Variants in EFR3B observed in about 807,000 individuals in gnomAD.
EFR3B encodes the protein EFR3 homolog B.
In EFR3B, 64 loss-of-function variants were observed where a neutral mutation model predicts 104.7. The observed-to-expected ratio is 0.61, with a 90% CI of 0.50 to 0.75. The LOEUF is 0.75. Among genes scored for constraint, EFR3B ranks in the 30% least tolerant of loss-of-function variants. The pLI is 0.00. For missense variants in EFR3B, 750 were observed against 1,078.5 expected (o/e 0.70, Z 4.27); for synonymous variants, 385 against 417.9 (o/e 0.92, Z 0.96).
intron 1 of EFR3B, chr2:25,080,282 G>GTTTTTTTTTTTTTTTTTTTT (rs1668756429): frequency 5.7e-6 from 1 of 176,116 alleles, no homozygotes; most frequent in Non-Finnish European, 9.9e-6. Flanking sequence ...CCTCCCCAAA[G>GTTTTTTTTTTTTTTTTTTTT]CTTTTTTTTT....
chr2:25,142,215 G>A (rs1000835108), intron 17 of EFR3B, among the ~76,000 whole-genome samples: 1 of 152,114 alleles, frequency 6.6e-6, no homozygotes, highest in Admixed American at 6.5e-5. Flanking sequence ...GGCTAAGGTG[G>A]GCGGATCACT....
intron 1 of EFR3B, among the ~76,000 whole-genome samples, chr2:25,049,185 C>T (rs1164603456): frequency 1.3e-5 from 2 of 152,166 alleles, no homozygotes; most frequent in Non-Finnish European, 1.5e-5. Context: ...AGATTTTTCC[C>T]CTAGTACTTG....
At chr2:25,096,195 T>C (rs1669272283) in intron 3 of EFR3B, among the ~76,000 whole-genome samples, 1 of 152,176 alleles carries the variant, frequency 6.6e-6, no homozygotes. Context: ...TTTGTGTTTT[T>C]AATAGAGACG....
chr2:25,103,534 G>A (rs2149191336), intron 3 of EFR3B, 103 bp from the exon 4 acceptor site: 2 of 1,437,414 alleles, frequency 1.4e-6, no homozygotes, highest in South Asian at 1.4e-5. Flanking sequence ...TCATTACCCG[G>A]ATGCTGCATT....
At chr2:25,152,923 G>A (rs1470512611) in intron 21 of EFR3B, among the ~76,000 whole-genome samples, 2 of 152,030 alleles carry the variant, frequency 1.3e-5, no homozygotes, top group African/African-American at 4.8e-5. Flanking sequence ...CCCATGTTAT[G>A]AGCTAGGAAT....
chr2:25,089,628 C>T (rs1669057273), intron 1 of EFR3B, among the ~76,000 whole-genome samples: 1 of 152,084 alleles, frequency 6.6e-6, no homozygotes, highest in Non-Finnish European at 1.5e-5. Flanking sequence ...GGCTTCCAGG[C>T]CCAAGAAGGG....
At chr2:25,060,747 C>CG (rs1367921832) in intron 1 of EFR3B, among the ~76,000 whole-genome samples, 22 of 151,800 alleles carry the variant, frequency 1.4e-4, no homozygotes, top group African/African-American at 4.8e-4. Flanking sequence ...AGCGAAACCC[C>CG]GTCTCTACTA....
intron 19 of EFR3B, chr2:25,147,596 C>T (rs1421204512): frequency 6.6e-6 from 1 of 152,204 alleles, no homozygotes; most frequent in Non-Finnish European, 1.5e-5. Flanking sequence ...CTGTCATCAT[C>T]CAGGGGCCCT....
At chr2:25,064,991 T>G (rs1668291977) in intron 1 of EFR3B, among the ~76,000 whole-genome samples, 1 of 152,124 alleles carries the variant, frequency 6.6e-6, no homozygotes, top group South Asian at 2.1e-4. Context: ...ACCTTGGCAG[T>G]TCACCCCTAG....
In EFR3B at chr2:25,054,750, A is replaced by T. The variant is rs569066758; in HGVS notation, c.7+12431A>T. On this transcript the variant is annotated intron_variant, in intron 1 of 22. Coordinates refer to ENST00000403714, the MANE Select transcript of EFR3B (RefSeq NM_014971.2). ...CCTTAGAAGGGTCTGGTTAGTAAGAACGTAGAAACAGGGCTCCTGCAATAC... is the reference window on the plus strand; with the variant it reads ...CCTTAGAAGGGTCTGGTTAGTAAGATCGTAGAAACAGGGCTCCTGCAATAC... Among the ~76,000 whole-genome samples the T allele has an allele frequency of 8.9e-4, 136 of 152,266 alleles. 1 individual carries two copies. Among genetic ancestry groups the T allele is most frequent in the African/African-American group, 3.2e-3 (131 of 41,540 alleles).
chr2:25,073,762 T>C (rs1180388552), intron 1 of EFR3B, among the ~76,000 whole-genome samples: 2 of 152,122 alleles, frequency 1.3e-5, no homozygotes, highest in Non-Finnish European at 2.9e-5. Flanking sequence ...GTGTGCCCCT[T>C]TGCTCAACAG....
chr2:25,087,009 TA>T (rs1668969867), intron 1 of EFR3B, among the ~76,000 whole-genome samples: 2 of 152,234 alleles, frequency 1.3e-5, no homozygotes, highest in Non-Finnish European at 2.9e-5. Flanking sequence ...GAAAGAGCTT[TA>T]ATTGACTCAC....
chr2:25,136,403 CA>C lies in EFR3B; in HGVS notation c.1485-119del. The C allele has an allele frequency of 1.4e-6, 1 of 713,274 alleles. No individual in the cohort carries two copies. Among genetic ancestry groups the C allele is most frequent in the Non-Finnish European group, 2.3e-6 (1 of 430,424 alleles). The allele number at this position is 713,274 out of a possible 1,614,324, so 44.2% of individuals were successfully genotyped here. A position where few individuals can be genotyped will look rare whatever the true frequency, so the allele number is the denominator to read the frequency against. On this transcript the variant is annotated intron_variant, in intron 13 of 22. Transcript: ENST00000403714. This position sits in a 1 kb window ranked among gnomAD's most constrained non-coding sequence, Gnocchi z 4.0. Reference sequence around the variant, plus strand: ...AGGTAATCGGGCTGAGAACCAGGGCCAGGGGAGCACTGGAGGCTTTGTACCA... The same window carrying C: ...AGGTAATCGGGCTGAGAACCAGGGCCGGGGAGCACTGGAGGCTTTGTACCA...
chr2:25,145,873 T>C (rs1311629332), intron 19 of EFR3B: 3 of 151,942 alleles, frequency 2.0e-5, no homozygotes, highest in African/African-American at 7.3e-5. Context: ...GGTGCATTTC[T>C]TACAGTTCAA....
rs1389991762 is a variant in EFR3B at position 25,136,643 on chromosome 2, G to C, written c.1560+45G>C. ...AGGCACAGTGAAGGGCGGGCACGGT[G>C]GCTCACGCCTGCAATCCCAGCACTT... On this transcript the variant is annotated intron_variant, in intron 14 of 22. Transcript: ENST00000403714. This position sits in a 1 kb window ranked among gnomAD's most constrained non-coding sequence, Gnocchi z 4.0. 8.6e-6 allele frequency: 13 copies of C among 1,510,708 alleles called. No homozygotes were observed. Among genetic ancestry groups the C allele is most frequent in the Non-Finnish European group, 1.1e-5 (12 of 1,111,406 alleles). The allele number at this position is 1,510,708 out of a possible 1,614,324, so 93.6% of individuals were successfully genotyped here. A position where few individuals can be genotyped will look rare whatever the true frequency, so the allele number is the denominator to read the frequency against.
chr2:25,096,068 T>G (rs1443337040), intron 3 of EFR3B, among the ~76,000 whole-genome samples: 1 of 151,724 alleles, frequency 6.6e-6, no homozygotes, highest in African/African-American at 2.4e-5. Flanking sequence ...CAGGCTGGAG[T>G]GCATTGGTGT....
In EFR3B at chr2:25,157,353, T is replaced by G. The variant is rs1671201936; in HGVS notation, c.*3013T>G. On this transcript the variant is annotated 3_prime_UTR_variant, in exon 23 of 23. Transcript: ENST00000403714. Reference sequence around the variant, plus strand: ...AAGGTGAGTGTGATAGTAGGTAATCTCCTCACCCCAGCACAGGCCCTGGGA... The same window carrying G: ...AAGGTGAGTGTGATAGTAGGTAATCGCCTCACCCCAGCACAGGCCCTGGGA... The G allele has an allele frequency of 6.6e-6, 1 of 152,122 alleles. No individual in the cohort carries two copies. Among genetic ancestry groups the G allele is most frequent in the Non-Finnish European group, 1.5e-5 (1 of 68,034 alleles). The allele number at this position is 152,122 out of a possible 1,614,324, so 9.4% of individuals were successfully genotyped here. A position where few individuals can be genotyped will look rare whatever the true frequency, so the allele number is the denominator to read the frequency against.
At position 25,130,348 on chromosome 2, in the gene EFR3B, A is replaced by G. The variant is rs184215747; in HGVS notation, c.771-204A>G. Among the ~76,000 whole-genome samples the G allele has an allele frequency of 1.6e-3, 248 of 152,312 alleles. 2 individuals are homozygous for G. Among genetic ancestry groups the G allele is most frequent in the Middle Eastern group, 6.8e-3 (2 of 294 alleles). On this transcript the variant is annotated intron_variant, in intron 7 of 22. Coordinates refer to ENST00000403714, the MANE Select transcript of EFR3B (RefSeq NM_014971.2). This position sits in a 1 kb window ranked among gnomAD's most constrained non-coding sequence, Gnocchi z 4.6. ...AAGCAAAGGTGCCCAGCTTCACCAC[A>G]CACATCCACAACTGCAGAGCGCTGT...
chr2:25,108,971 A>C (rs1669644913), intron 4 of EFR3B, among the ~76,000 whole-genome samples: 1 of 152,108 alleles, frequency 6.6e-6, no homozygotes, highest in Non-Finnish European at 1.5e-5. Flanking sequence ...GCTCCACTGC[A>C]CTCCAGCCTG....
Sources: gnomAD v4.1 joint callset for allele counts (sites outside exome capture counted in the v4.1 genomes callset) on GRCh38, gnomAD v4.1.1 for gene constraint, Gnocchi (gnomAD v3.1) non-coding constraint, MANE v1.5 for transcripts, NCBI Gene and HGNC (gene_info 2026-07-23, HGNC 2026-07-21) for gene names.